Variants in TVP23C observed in about 807,000 individuals in gnomAD.
TVP23C encodes the protein Golgi apparatus membrane protein TVP23 homolog C.
In TVP23C, 19 loss-of-function variants were observed where a neutral mutation model predicts 28.7. The observed-to-expected ratio is 0.66, with a 90% CI of 0.46 to 0.97. TVP23C has a LOEUF of 0.97. Among genes scored for constraint, TVP23C ranks in the 50% least tolerant of loss-of-function variants. TVP23C has a pLI of 0.00. For missense variants in TVP23C, 186 were observed against 241.3 expected, an observed-to-expected ratio of 0.77 and a Z score of 1.52; for synonymous variants, 68 against 81.7, an observed-to-expected ratio of 0.83 and a Z score of 0.90.
chr17:15,539,049 A>G lies in TVP23C; in HGVS notation c.*1363T>C. Reference sequence around the variant, plus strand: ...CACTATTAGCTGTATAATCTTAAGTAAATAATTTAATTTCTCGGGGCTTTA... The same window carrying G: ...CACTATTAGCTGTATAATCTTAAGTGAATAATTTAATTTCTCGGGGCTTTA... On this transcript the variant is annotated 3_prime_UTR_variant, in exon 6 of 6. Transcript: ENST00000518321. 2.0e-6 allele frequency: 2 copies of G among 985,096 alleles called. No homozygotes were observed. Among genetic ancestry groups the G allele is most frequent in the Non-Finnish European group, 2.4e-6 (2 of 829,476 alleles). The allele number at this position is 985,096 out of a possible 1,614,324, so 61.0% of individuals were successfully genotyped here. A position where few individuals can be genotyped will look rare whatever the true frequency, so the allele number is the denominator to read the frequency against.
At chr17:15,544,148 G>T (rs947997177) in intron 5 of TVP23C, among the ~76,000 whole-genome samples, 2 of 151,624 alleles carry the variant, frequency 1.3e-5, no homozygotes, top group African/African-American at 4.8e-5. Flanking sequence ...GATATTCAGT[G>T]AAAGAAAATG....
intron 5 of TVP23C, among the ~76,000 whole-genome samples, chr17:15,545,580 A>C (rs1319917319): frequency 6.6e-6 from 1 of 152,300 alleles, no homozygotes; most frequent in Non-Finnish European, 1.5e-5. Flanking sequence ...TATCCTAGAA[A>C]ACTGGTGGGA....
downstream of TVP23C, among the ~76,000 whole-genome samples, chr17:15,534,829 G>T (rs546416584): frequency 0.015 from 2,223 of 150,320 alleles, 51 homozygotes; most frequent in African/African-American, 0.051. Flanking sequence ...TTAGCCGGGC[G>T]TGGTGGTGGG....
intron 5 of TVP23C, among the ~76,000 whole-genome samples, chr17:15,527,761 A>G (rs1226706582): frequency 6.6e-6 from 1 of 152,120 alleles, no homozygotes; most frequent in Non-Finnish European, 1.5e-5. Context: ...TGAATCAAAT[A>G]CAAGTTCTTA....
intron 1 of TVP23C, among the ~76,000 whole-genome samples, chr17:15,556,400 C>T (rs914679401): frequency 7.0e-6 from 1 of 143,326 alleles, no homozygotes; most frequent in Non-Finnish European, 1.5e-5. Context: ...CTTGCTCTGT[C>T]GCTCAGGCTG....
Position 15,537,690 on chromosome 17 carries a change from G to A in TVP23C, c.*2722C>T, listed in dbSNP as rs1386947961. ...CAAAGTGCTCACTCTTACCATAGAA[G>A]CAAAACTTTCTCCTGAAAACAATCT... On this transcript the variant is annotated 3_prime_UTR_variant, in exon 6 of 6. Coordinates refer to ENST00000518321, the MANE Select transcript of TVP23C (RefSeq NM_001135036.2). The A allele has an allele frequency of 1.0e-6, 1 of 986,100 alleles. No individual in the cohort carries two copies. The highest frequency in any genetic ancestry group is 1.2e-6 in the Non-Finnish European group (1 of 830,002). The allele number at this position is 986,100 out of a possible 1,614,324, so 61.1% of individuals were successfully genotyped here. A position where few individuals can be genotyped will look rare whatever the true frequency, so the allele number is the denominator to read the frequency against.
At chr17:15,553,905 T>C in intron 2 of TVP23C, 76 bp from the exon 3 acceptor site, 1 of 1,600,090 alleles carries the variant, frequency 6.2e-7, no homozygotes, top group East Asian at 2.2e-5. Flanking sequence ...GAAAAATGTT[T>C]TAGCCATCGT....
rs756960639 is a variant in TVP23C at position 15,548,986 on chromosome 17, G to A, written c.241-1838C>T. ...CGTAGCATATAGCAGTACTGAAACCGCAGAAAGCGAAACCTCAGATAATGG... is the reference window on the plus strand; with the variant it reads ...CGTAGCATATAGCAGTACTGAAACCACAGAAAGCGAAACCTCAGATAATGG... On this transcript the variant is annotated intron_variant, in intron 3 of 5. Coordinates refer to ENST00000518321, the MANE Select transcript of TVP23C (RefSeq NM_001135036.2). Among the ~76,000 whole-genome samples the A allele has an allele frequency of 1.1e-3, 160 of 152,288 alleles. 1 individual carries two copies. The highest frequency in any genetic ancestry group is 1.5e-3 in the Non-Finnish European group (102 of 68,030).
rs552863459 is a variant in TVP23C at position 15,538,790 on chromosome 17, G to GA, written c.*1621dup. On this transcript the variant is annotated 3_prime_UTR_variant, in exon 6 of 6. Transcript: ENST00000518321. ...GTTCCTCCCCACCTTCAGAAACACT[G>GA]AAAATTCTAACGAAAAAAACCTAAT... 2.5e-5 allele frequency: 25 copies of GA among 985,164 alleles called. No homozygotes were observed. In the East Asian group the frequency reaches 2.5e-3, roughly 99 times the overall value. 61.0% of individuals were successfully genotyped at this position (985,164 alleles called of 1,614,324 possible).
chr17:15,532,967 C>CAGA (rs1192489181), downstream of TVP23C, among the ~76,000 whole-genome samples: 1 of 152,168 alleles, frequency 6.6e-6, no homozygotes, highest in Non-Finnish European at 1.5e-5. Flanking sequence ...GTAAGCAACA[C>CAGA]AGAATATTAG....
chr17:15,502,732 TTCTCTC>T, exon 6 of TVP23C: 2 of 827,084 alleles, frequency 2.4e-6, no homozygotes, highest in Non-Finnish European at 3.3e-6. Flanking sequence ...CTCTCTCTCT[TTCTCTC>T]TCCTCTCTCC....
chr17:15,519,507 CAA>C (rs1982379552), intron 5 of TVP23C, among the ~76,000 whole-genome samples: 1 of 142,374 alleles, frequency 7.0e-6, no homozygotes, highest in Non-Finnish European at 1.6e-5. Flanking sequence ...CACACACACA[CAA>C]ATTGCGTGTT....
intron 5 of TVP23C, among the ~76,000 whole-genome samples, chr17:15,543,711 A>G (rs1361889561): frequency 3.3e-5 from 5 of 151,096 alleles, no homozygotes; most frequent in South Asian, 2.1e-4. Flanking sequence ...ACCTTCCACT[A>G]GAACATAAGC....
At chr17:15,531,786 C>G (rs1597522979) in intron 5 of TVP23C, among the ~76,000 whole-genome samples, 1 of 152,192 alleles carries the variant, frequency 6.6e-6, no homozygotes, top group African/African-American at 2.4e-5. Context: ...AGTTTTTTCC[C>G]CCATATATAG....
At chr17:15,526,387 C>T (rs1982729375) in intron 5 of TVP23C, among the ~76,000 whole-genome samples, 4 of 152,214 alleles carry the variant, frequency 2.6e-5, no homozygotes, top group African/African-American at 4.8e-5. Context: ...ACTGATCCCC[C>T]AATCCTCAGT....
chr17:15,511,029 G>C (rs1179390501), intron 5 of TVP23C, among the ~76,000 whole-genome samples: 3 of 146,234 alleles, frequency 2.1e-5, no homozygotes, highest in Admixed American at 6.9e-5. Context: ...ACTCCAGCCT[G>C]GGTGACAGGG....
At chr17:15,531,072 TGGATCTAAA>T (rs1982932692) in intron 5 of TVP23C, 1 of 152,260 alleles carries the variant, frequency 6.6e-6, no homozygotes, top group Non-Finnish European at 1.5e-5. Context: ...ATAGTTTTGC[TGGATCTAAA>T]ATTCTCTGTT....
At chr17:15,557,558 C>A (rs1200175224) in intron 1 of TVP23C, among the ~76,000 whole-genome samples, 1 of 148,956 alleles carries the variant, frequency 6.7e-6, no homozygotes, top group Non-Finnish European at 1.5e-5. Context: ...CTCACCCCCC[C>A]ATAGTGCTGG....
At chr17:15,505,847 C>A (rs949474504) in intron 5 of TVP23C, among the ~76,000 whole-genome samples, 1 of 152,218 alleles carries the variant, frequency 6.6e-6, no homozygotes, top group Non-Finnish European at 1.5e-5. Context: ...CGGCTGCGTA[C>A]GGTGTACTGG....
Sources: allele counts gnomAD v4.1 joint callset (sites outside exome capture counted in the v4.1 genomes callset), GRCh38; gene constraint gnomAD v4.1.1; transcripts MANE v1.5; gene names NCBI Gene and HGNC (gene_info 2026-07-23, HGNC 2026-07-21).